KLHL29: variants seen among roughly 807,000 people sequenced by gnomAD.
The protein encoded by KLHL29 is kelch-like protein 29.
Under a neutral mutation model 80.4 loss-of-function variants are expected in KLHL29, and 21 were observed. The observed-to-expected ratio is 0.26, with a 90% CI of 0.19 to 0.38. KLHL29 has a LOEUF of 0.38. KLHL29 is among the 10% of genes least tolerant of loss of function. The pLI, the probability that KLHL29 is intolerant of heterozygous loss-of-function variation, is 1.00. For missense variants in KLHL29, 867 were observed against 1,223.9 expected (o/e 0.71, Z 4.35); for synonymous variants, 511 against 526.8 (o/e 0.97, Z 0.41).
intron 3 of KLHL29, among the ~76,000 whole-genome samples, chr2:23,619,267 C>T (rs910232422): frequency 6.6e-6 from 1 of 152,234 alleles, no homozygotes; most frequent in Non-Finnish European, 1.5e-5. Context: ...TATGTCACAC[C>T]TGGGGTCTTC....
At chr2:23,620,932 C>T (rs574207766) in intron 3 of KLHL29, among the ~76,000 whole-genome samples, 50 of 152,394 alleles carry the variant, frequency 3.3e-4, no homozygotes, top group Non-Finnish European at 4.4e-4. Flanking sequence ...CCAGTGCATT[C>T]TACCCACGGG....
chr2:23,457,991 C>T lies in KLHL29; in HGVS notation c.-153-17569C>T, dbSNP rs1201257264. On this transcript the variant is annotated intron_variant, in intron 1 of 13. Transcript: ENST00000486442. The surrounding 1 kb of genome is among the most constrained non-coding windows in gnomAD (Gnocchi z 4.3). Reference sequence around the variant, plus strand: ...TCACGCCACTGCACTCCAGCCTGGGCGACAGAGCGAGACTCTGTCTCAAAA... The same window carrying T: ...TCACGCCACTGCACTCCAGCCTGGGTGACAGAGCGAGACTCTGTCTCAAAA... 5.3e-5 allele frequency among the ~76,000 whole-genome samples: 8 copies of T among 151,718 alleles called. No homozygotes were observed. The highest frequency in any genetic ancestry group is 2.1e-4 in the South Asian group (1 of 4,800).
intron 3 of KLHL29, among the ~76,000 whole-genome samples, chr2:23,580,229 G>A (rs111351199): frequency 5.8e-4 from 88 of 152,074 alleles, no homozygotes; most frequent in Non-Finnish European, 1.1e-3. Flanking sequence ...AAAGCTAGCC[G>A]GGCATGGTGG....
chr2:23,676,553 A>G (rs1447582706), intron 5 of KLHL29, among the ~76,000 whole-genome samples: 1 of 152,182 alleles, frequency 6.6e-6, no homozygotes, highest in Admixed American at 6.5e-5. Context: ...TGCTTTGAGA[A>G]GCCAAGCCAG....
rs906079300 is a variant in KLHL29, at chr2:23,492,814, G to A, written c.-46+17147G>A. Among the ~76,000 whole-genome samples the A allele has an allele frequency of 5.3e-5, 8 of 152,198 alleles. 1 individual carries two copies. Among genetic ancestry groups the A allele is most frequent in the Admixed American group, 6.5e-5 (1 of 15,294 alleles). On this transcript the variant is annotated intron_variant, in intron 2 of 13. Transcript: ENST00000486442. ...GACAGAGCTAGTCCTGGCTGGTCCC[G>A]AACCTCCTCTTTTTTTTGCCCATCG...
At chr2:23,433,419 G>A (rs1663243238) in intron 1 of KLHL29, among the ~76,000 whole-genome samples, 1 of 152,206 alleles carries the variant, frequency 6.6e-6, no homozygotes, top group African/African-American at 2.4e-5. Flanking sequence ...TGGTGTTGGG[G>A]GAGGAGGGGC....
intron 3 of KLHL29, among the ~76,000 whole-genome samples, chr2:23,632,637 G>T (rs1352409847): frequency 6.6e-6 from 1 of 152,252 alleles, no homozygotes; most frequent in Admixed American, 6.5e-5. Flanking sequence ...CGCAACAAAT[G>T]CACTTCTGCT....
At chr2:23,663,148 C>T (rs961812635) in intron 5 of KLHL29, among the ~76,000 whole-genome samples, 2 of 152,220 alleles carry the variant, frequency 1.3e-5, no homozygotes, top group African/African-American at 4.8e-5. Context: ...CTCGCTACTC[C>T]CAGCCCCCAA....
chr2:23,548,678 G>T (rs951522069), intron 2 of KLHL29, among the ~76,000 whole-genome samples: 1 of 152,240 alleles, frequency 6.6e-6, no homozygotes, highest in African/African-American at 2.4e-5. Flanking sequence ...CCAGCAGTGA[G>T]CGCGTGGCAA....
chr2:23,533,717 C>T (rs1395979872), intron 2 of KLHL29, among the ~76,000 whole-genome samples: 1 of 152,168 alleles, frequency 6.6e-6, no homozygotes, highest in Non-Finnish European at 1.5e-5. Context: ...AGAATTGGGG[C>T]ATTTACGCCA....
At chr2:23,560,843 G>A (rs1277258912) in intron 2 of KLHL29, among the ~76,000 whole-genome samples, 1 of 152,244 alleles carries the variant, frequency 6.6e-6, no homozygotes, top group Non-Finnish European at 1.5e-5. Flanking sequence ...CATGGCACTA[G>A]AAGTTGACAA....
intron 1 of KLHL29, among the ~76,000 whole-genome samples, chr2:23,454,719 T>G (rs1663993775): frequency 6.6e-6 from 1 of 152,130 alleles, no homozygotes; most frequent in South Asian, 2.1e-4. Flanking sequence ...GTAGTTCCTG[T>G]TTTTTGCTAT....
chr2:23,396,492 C>G (rs1221120239), intron 1 of KLHL29, among the ~76,000 whole-genome samples: 5 of 152,104 alleles, frequency 3.3e-5, no homozygotes, highest in Non-Finnish European at 7.4e-5. Flanking sequence ...ATGACCTAGC[C>G]CTGGCTTTTC....
intron 3 of KLHL29, among the ~76,000 whole-genome samples, chr2:23,637,829 C>G (rs1052443550): frequency 6.6e-6 from 1 of 152,064 alleles, no homozygotes; most frequent in Non-Finnish European, 1.5e-5. Context: ...CCGTGAGGAC[C>G]ATGGTCCTCA....
intron 3 of KLHL29, among the ~76,000 whole-genome samples, chr2:23,593,875 C>T (rs1040875859): frequency 9.2e-5 from 14 of 152,204 alleles, no homozygotes; most frequent in Non-Finnish European, 1.3e-4. Context: ...GTGTCGCCTA[C>T]GTGCTTGTTG....
chr2:23,526,171 T>A (rs1666309635), intron 2 of KLHL29, among the ~76,000 whole-genome samples: 1 of 152,218 alleles, frequency 6.6e-6, no homozygotes, highest in South Asian at 2.1e-4. Context: ...GAGCCTTTGT[T>A]CTAGAGGAAG....
At chr2:23,652,684 T>C (rs1269284192) in intron 5 of KLHL29, among the ~76,000 whole-genome samples, 2 of 152,214 alleles carry the variant, frequency 1.3e-5, no homozygotes, top group Non-Finnish European at 2.9e-5. Flanking sequence ...ACTGCAGATA[T>C]TCTAACTTTT....
chr2:23,539,432 C>CTTTTTTTTT (rs869075602), intron 2 of KLHL29, among the ~76,000 whole-genome samples: 1 of 25,746 alleles, frequency 3.9e-5, no homozygotes, highest in Non-Finnish European at 6.5e-5. Flanking sequence ...ATCCTGCCTC[C>CTTTTTTTTT]TTTTTTTTTT....
chr2:23,441,355 G>A (rs1238498806), intron 1 of KLHL29, among the ~76,000 whole-genome samples: 23 of 134,972 alleles, frequency 1.7e-4, no homozygotes, highest in South Asian at 5.0e-4. Flanking sequence ...GGGAGGGATA[G>A]CATTAGGAGA....
Sources: gnomAD v4.1 joint callset for allele counts (sites outside exome capture counted in the v4.1 genomes callset) on GRCh38, gnomAD v4.1.1 for gene constraint, Gnocchi (gnomAD v3.1) non-coding constraint, MANE v1.5 for transcripts, NCBI Gene and HGNC (gene_info 2026-07-23, HGNC 2026-07-21) for gene names.